Variants in ANXA6 observed in about 807,000 individuals in gnomAD.
ANXA6 encodes annexin A6.
A neutral mutation model predicts 95.4 loss-of-function variants in ANXA6; 71 were observed. That is an observed-to-expected ratio of 0.74 (90% CI 0.61 to 0.91). The LOEUF (loss-of-function observed/expected upper bound fraction) is 0.91, where lower values mean the gene tolerates loss of function less well. ANXA6 is among the 40% of genes least tolerant of loss of function. ANXA6 has a pLI of 0.00. For missense variants in ANXA6, 830 were observed against 876.4 expected (o/e 0.95, Z 0.67); for synonymous variants, 289 against 315.9 (o/e 0.91, Z 0.90).
chr5:151,103,901 G>A (rs1764620400), intron 24 of ANXA6, among the ~76,000 whole-genome samples: 1 of 152,218 alleles, frequency 6.6e-6, no homozygotes, highest in African/African-American at 2.4e-5. Flanking sequence ...ATGTGTGTGG[G>A]TTGAATAGTG....
intron 24 of ANXA6, among the ~76,000 whole-genome samples, 179 bp from the exon 25 acceptor site, chr5:151,103,871 C>T (rs898917870): frequency 6.6e-6 from 1 of 152,192 alleles, no homozygotes; most frequent in African/African-American, 2.4e-5. Context: ...CAGGACTGGC[C>T]AGACTGACAC....
chr5:151,103,388 T>C (rs1004643415), intron 25 of ANXA6, among the ~76,000 whole-genome samples, 182 bp downstream of exon 25: 2 of 152,240 alleles, frequency 1.3e-5, no homozygotes, highest in Non-Finnish European at 2.9e-5. Flanking sequence ...TATAAACCTT[T>C]GATTCTTTTG....
At chr5:151,102,439 C>A (rs1439949398) in intron 25 of ANXA6, among the ~76,000 whole-genome samples, 1 of 152,160 alleles carries the variant, frequency 6.6e-6, no homozygotes, top group Non-Finnish European at 1.5e-5. Flanking sequence ...TGTGGTGGCT[C>A]ACACCTGTAA....
At position 151,134,457 on chromosome 5, in the gene ANXA6, C is replaced by T; in HGVS notation, c.516G>A (p.Val172=). The T allele has an allele frequency of 6.2e-7, 1 of 1,614,020 alleles. No individual in the cohort carries two copies. The highest frequency in any genetic ancestry group is 8.5e-7 in the Non-Finnish European group (1 of 1,179,896). The change falls in exon 8 of 26, where the codon GTG becomes GTA. Residue 172 remains valine, a synonymous_variant. Transcript: ENST00000354546. ...LQGTREEDDV[V]SEDLVQQDVQ... ...CATCCTGTTGTACCAGGTCCTCGCT[C>T]ACTACGTCATCCTCCTCCCTGGTTC...
chr5:151,138,709 C>A lies in ANXA6; in HGVS notation c.287G>T (p.Cys96Phe). 1 of 1,613,880 alleles carries A rather than the reference C, an allele frequency of 6.2e-7. No individual in the cohort carries two copies. The highest frequency in any genetic ancestry group is 8.5e-7 in the Non-Finnish European group (1 of 1,179,814). The change falls in exon 5 of 26, where the codon TGT becomes TTT. Residue 96 changes from cysteine to phenylalanine, a missense_variant. Coordinates refer to ENST00000354546, the MANE Select transcript of ANXA6 (RefSeq NM_001155.5). Reference protein sequence around the residue: ...IVGLMRPPAYCDAKEIKDAIS... With the variant: ...IVGLMRPPAYFDAKEIKDAIS... ...GGCATCTTTAATTTCTTTGGCATCA[C>A]AATAGGCAGGTGGCCTCATCAGGCC...
chr5:151,154,004 A>G (rs1040624414), intron 1 of ANXA6, among the ~76,000 whole-genome samples: 2 of 152,070 alleles, frequency 1.3e-5, no homozygotes, highest in East Asian at 3.9e-4. Flanking sequence ...AGTGGCTTTC[A>G]TGCTTTCTTT....
At chr5:151,126,529 G>T (rs1226423464) in intron 13 of ANXA6, 49 bp from the exon 14 acceptor site, 2 of 1,400,468 alleles carry the variant, frequency 1.4e-6, no homozygotes, top group East Asian at 4.9e-5. Flanking sequence ...GTCATCATGG[G>T]CAACACTCAC....
At chr5:151,105,185 G>A in intron 24 of ANXA6, 60 bp downstream of exon 24, 1 of 1,470,554 alleles carries the variant, frequency 6.8e-7, no homozygotes, top group Non-Finnish European at 9.5e-7. Context: ...ACATCTGTGT[G>A]TTTGTGTGTG....
At chr5:151,154,093 A>G (rs1766174362) in intron 1 of ANXA6, among the ~76,000 whole-genome samples, 1 of 152,012 alleles carries the variant, frequency 6.6e-6, no homozygotes, top group Non-Finnish European at 1.5e-5. Flanking sequence ...CAGGAGATAA[A>G]CTAGAGAGGT....
intron 18 of ANXA6, 139 bp from the exon 19 acceptor site, chr5:151,117,976 C>T: frequency 1.5e-6 from 1 of 654,570 alleles, no homozygotes. Context: ...GTAACTGGCT[C>T]ATGGGGGCAT....
intron 1 of ANXA6, among the ~76,000 whole-genome samples, chr5:151,149,410 A>C (rs1235329093): frequency 1.3e-5 from 2 of 152,184 alleles, no homozygotes; most frequent in Non-Finnish European, 2.9e-5. Context: ...GCAACAGATG[A>C]AAGTTTAACA....
At chr5:151,141,540 G>C (rs1561583746) in intron 2 of ANXA6, 2 of 985,536 alleles carry the variant, frequency 2.0e-6, no homozygotes, top group East Asian at 2.3e-4. Flanking sequence ...TGCCTTCAAG[G>C]AGTCAGAGGT....
intron 16 of ANXA6, 111 bp downstream of exon 16, chr5:151,122,806 T>C: frequency 1.1e-6 from 1 of 892,926 alleles, no homozygotes; most frequent in African/African-American, 1.6e-5. Flanking sequence ...ACAGGGTCCC[T>C]CTGCCATGAA....
intron 13 of ANXA6, among the ~76,000 whole-genome samples, chr5:151,127,918 C>T (rs577242925): frequency 4.6e-5 from 7 of 152,244 alleles, no homozygotes; most frequent in Non-Finnish European, 8.8e-5. Context: ...TAGTCCACAA[C>T]CCCAGACTGA....
Position 151,147,925 on chromosome 5 carries a change from C to T in ANXA6, c.-24G>A, listed in dbSNP as rs775058186. 20 of 1,603,450 alleles carry T rather than the reference C, an allele frequency of 1.2e-5. No individual in the cohort carries two copies. In the African/African-American group the frequency reaches 2.5e-4, roughly 20 times the overall value. ...ATGGTCTCCGGTTCGCAGCAGAATC[C>T]ACTGTAGAGAAGAAAGACAGCATGT... On this transcript the variant is annotated splice_region_variant and 5_prime_UTR_variant, in exon 2 of 26. Transcript: ENST00000354546.
intron 20 of ANXA6, among the ~76,000 whole-genome samples, chr5:151,112,647 C>T (rs1397548180): frequency 2.0e-5 from 3 of 152,110 alleles, no homozygotes; most frequent in South Asian, 2.1e-4. Context: ...GCCGGGATAA[C>T]GTGGAGAAAC....
chr5:151,107,749 C>T (rs1390776908), intron 23 of ANXA6, among the ~76,000 whole-genome samples: 4 of 152,172 alleles, frequency 2.6e-5, no homozygotes, highest in African/African-American at 4.8e-5. Flanking sequence ...TATTTATACA[C>T]GGTGGAATTA....
intron 2 of ANXA6, among the ~76,000 whole-genome samples, chr5:151,141,103 C>G (rs1253093258): frequency 1.3e-5 from 2 of 152,230 alleles, no homozygotes; most frequent in Non-Finnish European, 2.9e-5. Context: ...CGGCAGAGAG[C>G]CAGGGGATCT....
chr5:151,119,123 A>G (rs927372831), intron 18 of ANXA6, among the ~76,000 whole-genome samples, 177 bp downstream of exon 18: 2 of 152,142 alleles, frequency 1.3e-5, no homozygotes, highest in East Asian at 1.9e-4. Flanking sequence ...TTGTCCTACC[A>G]GGACACCTGT....
Sources: allele counts gnomAD v4.1 joint callset (sites outside exome capture counted in the v4.1 genomes callset), GRCh38; gene constraint gnomAD v4.1.1; transcripts MANE v1.5; gene names NCBI Gene and HGNC (gene_info 2026-07-23, HGNC 2026-07-21).